ARK2N: variants seen among roughly 807,000 people sequenced by gnomAD.
The protein encoded by ARK2N is protein ARK2N.
At chr18:46,223,509 AAC>A in the ARK2N span, among the ~76,000 whole-genome samples, 1 of 152,204 alleles carries the variant, frequency 6.6e-6, no homozygotes. Flanking sequence ...ATCTAGGAGA[AAC>A]AGTTATATTT....
the ARK2N span, among the ~76,000 whole-genome samples, chr18:46,180,028 A>G: frequency 3.9e-5 from 6 of 152,220 alleles, no homozygotes; most frequent in Non-Finnish European, 8.8e-5. Context: ...ATAATAGTAA[A>G]TGTGATTTTA....
At chr18:46,236,447 A>C in the ARK2N span, among the ~76,000 whole-genome samples, 25 of 152,370 alleles carry the variant, frequency 1.6e-4, no homozygotes, top group South Asian at 4.6e-3. Flanking sequence ...TTTAACACAG[A>C]TGTGTTACAT....
chr18:46,220,068 A>T, the ARK2N span, among the ~76,000 whole-genome samples: 7 of 152,106 alleles, frequency 4.6e-5, no homozygotes, highest in Non-Finnish European at 8.8e-5. Flanking sequence ...AGCAGAGTGG[A>T]CCTCCATACA....
At chr18:46,186,725 G>A in the ARK2N span, among the ~76,000 whole-genome samples, 1 of 152,004 alleles carries the variant, frequency 6.6e-6, no homozygotes, top group East Asian at 1.9e-4. Flanking sequence ...AGCCAGGATG[G>A]TTTTGAACTC....
chr18:46,194,591 A>G, the ARK2N span, among the ~76,000 whole-genome samples: 1 of 150,190 alleles, frequency 6.7e-6, no homozygotes, highest in Non-Finnish European at 1.5e-5. Flanking sequence ...CTCCTGCCTC[A>G]GTCTCCTGAG....
At chr18:46,178,803 A>G in the ARK2N span, among the ~76,000 whole-genome samples, 1 of 151,198 alleles carries the variant, frequency 6.6e-6, no homozygotes, top group Non-Finnish European at 1.5e-5. Flanking sequence ...AGTCCCAGCT[A>G]CTCAGGAGGC....
At chr18:46,225,534 C>T in the ARK2N span, among the ~76,000 whole-genome samples, 2 of 152,202 alleles carry the variant, frequency 1.3e-5, no homozygotes, top group African/African-American at 4.8e-5. Context: ...TCTCGGCCCA[C>T]TGCAAACTCC....
chr18:46,222,482 A>G, the ARK2N span, among the ~76,000 whole-genome samples: 1 of 152,252 alleles, frequency 6.6e-6, no homozygotes, highest in African/African-American at 2.4e-5. Context: ...GATGATGTTA[A>G]TTAAAAAGCT....
chr18:46,237,379 G>A, the ARK2N span, among the ~76,000 whole-genome samples: 2 of 139,032 alleles, frequency 1.4e-5, no homozygotes, highest in Non-Finnish European at 3.1e-5. Context: ...CAAATCCTGA[G>A]GCCAAGTGCT....
chr18:46,176,456 GC>G, the ARK2N span, among the ~76,000 whole-genome samples: 32 of 146,504 alleles, frequency 2.2e-4, 1 homozygote, highest in Admixed American at 1.2e-3. Context: ...GTGTGTGTGT[GC>G]TTTTTTTTTT....
the ARK2N span, among the ~76,000 whole-genome samples, chr18:46,174,631 G>T: frequency 2.2e-4 from 33 of 152,178 alleles, no homozygotes; most frequent in Non-Finnish European, 3.4e-4. Flanking sequence ...GCCCCCAGAC[G>T]CTGGGGCCGG....
the ARK2N span, among the ~76,000 whole-genome samples, chr18:46,246,329 G>A: frequency 6.6e-6 from 1 of 152,194 alleles, no homozygotes; most frequent in African/African-American, 2.4e-5. Context: ...GAATGTGTGG[G>A]ATGCTGAAGA....
At chr18:46,186,416 A>G in the ARK2N span, among the ~76,000 whole-genome samples, 1 of 151,302 alleles carries the variant, frequency 6.6e-6, no homozygotes, top group Non-Finnish European at 1.5e-5. Context: ...GGATGGTCTC[A>G]ATCTCTTGAC....
the ARK2N span, among the ~76,000 whole-genome samples, chr18:46,198,618 G>A: frequency 2.1e-4 from 32 of 150,882 alleles, 1 homozygote; most frequent in Non-Finnish European, 4.4e-4. Flanking sequence ...TTTCTTTTTT[G>A]AGATGGAGTT....
chr18:46,252,475 C>T, the ARK2N span, among the ~76,000 whole-genome samples: 21 of 151,974 alleles, frequency 1.4e-4, no homozygotes, highest in Admixed American at 1.2e-3. Flanking sequence ...GGGTTTCAAC[C>T]ATGTTGGCCA....
chr18:46,212,093 G>GAA, the ARK2N span, among the ~76,000 whole-genome samples: 2 of 152,056 alleles, frequency 1.3e-5, no homozygotes, highest in African/African-American at 4.8e-5. Flanking sequence ...CACTTTCTGT[G>GAA]ACTTTTTTCT....
At chr18:46,211,797 A>G in the ARK2N span, among the ~76,000 whole-genome samples, 1 of 152,214 alleles carries the variant, frequency 6.6e-6, no homozygotes, top group East Asian at 1.9e-4. Flanking sequence ...TTATTACTTC[A>G]CTGAATATAA....
At chr18:46,202,914 G>T in the ARK2N span, among the ~76,000 whole-genome samples, 1 of 151,806 alleles carries the variant, frequency 6.6e-6, no homozygotes, top group Non-Finnish European at 1.5e-5. Flanking sequence ...AGATATGATG[G>T]ACTTGGAGAG....
the ARK2N span, among the ~76,000 whole-genome samples, chr18:46,246,877 G>A: frequency 6.0e-5 from 9 of 150,522 alleles, no homozygotes; most frequent in African/African-American, 2.2e-4. Flanking sequence ...GGAGGTGGAG[G>A]TTGCAGTGAG....
Sources: allele counts gnomAD v4.1 joint callset (sites outside exome capture counted in the v4.1 genomes callset), GRCh38; gene constraint gnomAD v4.1.1; transcripts MANE v1.5; gene names NCBI Gene and HGNC (gene_info 2026-07-23, HGNC 2026-07-21).